The following IQCK variants were observed in gnomAD, a reference collection of about 807,000 sequenced individuals.
IQCK encodes IQ motif containing K.
In IQCK, 29 loss-of-function variants were observed where a neutral mutation model predicts 28.1. The ratio of observed to expected loss-of-function variants is 1.03; its 90% CI spans 0.77 to 1.41. IQCK has a LOEUF of 1.41. Ranked by LOEUF, IQCK falls within the 40% of genes most tolerant of loss-of-function variation. The pLI, the probability that IQCK is intolerant of heterozygous loss-of-function variation, is 0.00. For missense variants in IQCK, 359 were observed against 314.7 expected (o/e 1.14, Z -1.07); for synonymous variants, 113 against 115.1 (o/e 0.98, Z 0.12).
intron 7 of IQCK, among the ~76,000 whole-genome samples, chr16:19,822,094 AAC>A (rs1182597625): frequency 7.4e-5 from 11 of 149,084 alleles, no homozygotes; most frequent in African/African-American, 2.8e-4. Flanking sequence ...CAAAAAAAAA[AAC>A]AAAAAAAAAC....
chr16:19,819,250 T>C (rs1567569530), intron 7 of IQCK, among the ~76,000 whole-genome samples: 1 of 152,128 alleles, frequency 6.6e-6, no homozygotes. Context: ...TCCAGCACTT[T>C]GAGAGGCTGA....
chr16:19,856,686 T>C (rs1369898644), exon 10 of IQCK: 13 of 668,100 alleles, frequency 1.9e-5, no homozygotes, highest in Admixed American at 2.8e-5. Flanking sequence ...CTGTACAAGA[T>C]AGGATTCATT....
intron 4 of IQCK, among the ~76,000 whole-genome samples, chr16:19,763,225 T>A (rs1483593187): frequency 6.6e-6 from 1 of 152,144 alleles, no homozygotes; most frequent in African/African-American, 2.4e-5. Context: ...TATAGTCTTA[T>A]AAGTAAGGTA....
intron 6 of IQCK, among the ~76,000 whole-genome samples, chr16:19,781,862 G>T (rs111435166): frequency 1.6e-4 from 24 of 152,202 alleles, no homozygotes; most frequent in African/African-American, 5.5e-4. Context: ...GGTGGCAGGC[G>T]CCTGTAATCC....
intron 9 of IQCK, among the ~76,000 whole-genome samples, chr16:19,835,423 C>G (rs1319384531): frequency 6.6e-6 from 1 of 152,136 alleles, no homozygotes; most frequent in Non-Finnish European, 1.5e-5. Context: ...AGATCTATCC[C>G]ATTATTTTTA....
chr16:19,782,586 C>T (rs1213736052), intron 6 of IQCK, among the ~76,000 whole-genome samples: 1 of 152,014 alleles, frequency 6.6e-6, no homozygotes, highest in Non-Finnish European at 1.5e-5. Flanking sequence ...TATGATCATG[C>T]CACTACACTG....
chr16:19,732,912 C>T lies in IQCK; in HGVS notation c.247-786C>T, dbSNP rs377474246. ...TGGTGTGAACACAGCTTTATGATAT[C>T]GAAGGACCAGAAAGAAGCCTGAGGG... is the stretch of plus-strand genomic sequence containing the variant. On this transcript the variant is annotated intron_variant, in intron 2 of 7. Transcript: ENST00000564186. 7.2e-5 allele frequency among the ~76,000 whole-genome samples: 11 copies of T among 152,232 alleles called. No individual in the cohort carries two copies. The East Asian group carries it at 2.1e-3, about 29-fold the overall frequency.
Position 19,808,507 on chromosome 16 carries a change from A to C in IQCK, c.691-18519A>C, listed in dbSNP as rs922191810. ...TGCCTCTCTTGCCATGTGACCTTGT[A>C]TGAGTATTTCACTTCTCAGAGCCTC... is the stretch of plus-strand genomic sequence containing the variant. On this transcript the variant is annotated intron_variant, in intron 7 of 7. Transcript: ENST00000564186. 1.8e-4 allele frequency among the ~76,000 whole-genome samples: 27 copies of C among 152,268 alleles called. No individual in the cohort carries two copies. In the East Asian group the frequency reaches 5.0e-3, roughly 28 times the overall value.
intron 4 of IQCK, among the ~76,000 whole-genome samples, chr16:19,747,921 A>G (rs559261436): frequency 6.6e-6 from 1 of 152,226 alleles, no homozygotes; most frequent in African/African-American, 2.4e-5. Flanking sequence ...CCTTTTTGCA[A>G]CTTACCGTAT....
At chr16:19,823,185 G>T (rs966303395) in intron 7 of IQCK, among the ~76,000 whole-genome samples, 1 of 152,078 alleles carries the variant, frequency 6.6e-6, no homozygotes, top group African/African-American at 2.4e-5. Flanking sequence ...GAAGCCCAGG[G>T]ACCAAGGTAG....
chr16:19,829,304 C>G (rs756059981), downstream of IQCK, among the ~76,000 whole-genome samples: 6 of 151,598 alleles, frequency 4.0e-5, no homozygotes, highest in Non-Finnish European at 7.4e-5. Context: ...TGTGCCAATG[C>G]CTTCTTCACC....
exon 3 of IQCK, chr16:19,733,704 C>T: frequency 6.2e-7 from 1 of 1,613,936 alleles, no homozygotes. Context: ...CCAGGTTGCG[C>T]CAGTAGAGGA....
chr16:19,805,388 G>T (rs1222716034), intron 7 of IQCK, among the ~76,000 whole-genome samples: 2 of 152,172 alleles, frequency 1.3e-5, no homozygotes, highest in Non-Finnish European at 2.9e-5. Context: ...GCAAGCAGGT[G>T]CTACAATGAG....
chr16:19,853,699 T>G (rs567312923), intron 9 of IQCK, among the ~76,000 whole-genome samples: 1 of 152,312 alleles, frequency 6.6e-6, no homozygotes, highest in African/African-American at 2.4e-5. Context: ...TAACACGATC[T>G]TGGCTCACTG....
intron 9 of IQCK, among the ~76,000 whole-genome samples, chr16:19,838,283 G>A (rs1225215987): frequency 1.3e-5 from 2 of 152,190 alleles, no homozygotes; most frequent in Non-Finnish European, 2.9e-5. Flanking sequence ...GGGAGGCAGA[G>A]AGTAAATCCG....
chr16:19,802,544 A>G (rs769703608), intron 7 of IQCK, among the ~76,000 whole-genome samples: 5 of 123,576 alleles, frequency 4.0e-5, no homozygotes, highest in Non-Finnish European at 8.3e-5. Flanking sequence ...TAAATCCACA[A>G]GAAATATTGG....
chr16:19,806,344 G>A (rs915676819), intron 7 of IQCK, among the ~76,000 whole-genome samples: 1 of 151,958 alleles, frequency 6.6e-6, no homozygotes, highest in African/African-American at 2.4e-5. Flanking sequence ...CAGCCTGGGT[G>A]ACAGAGCGAG....
At chr16:19,740,018 A>G (rs746371437) in intron 4 of IQCK, among the ~76,000 whole-genome samples, 20 of 152,204 alleles carry the variant, frequency 1.3e-4, no homozygotes, top group African/African-American at 1.9e-4. Context: ...CAGACAGCAC[A>G]CATCTCCAAC....
At chr16:19,769,413 G>C (rs2055287429) in intron 6 of IQCK, among the ~76,000 whole-genome samples, 1 of 152,212 alleles carries the variant, frequency 6.6e-6, no homozygotes, top group Non-Finnish European at 1.5e-5. Context: ...CTACAAATGG[G>C]ATCGTGAACA....
Sources: allele counts gnomAD v4.1 joint callset (sites outside exome capture counted in the v4.1 genomes callset), GRCh38; gene constraint gnomAD v4.1.1; transcripts MANE v1.5; gene names NCBI Gene and HGNC (gene_info 2026-07-23, HGNC 2026-07-21).